The following MYO1E variants were observed in gnomAD, a reference collection of about 807,000 sequenced individuals.
MYO1E encodes unconventional myosin-Ie.
Under a neutral mutation model 151.1 loss-of-function variants are expected in MYO1E, and 68 were observed. The observed-to-expected ratio is 0.45, with a 90% CI of 0.37 to 0.55. The LOEUF (loss-of-function observed/expected upper bound fraction) is 0.55, where lower values mean the gene tolerates loss of function less well. MYO1E is among the 20% of genes least tolerant of loss of function. MYO1E has a pLI of 0.00. For missense variants in MYO1E, 1,363 were observed against 1,389.3 expected, an observed-to-expected ratio of 0.98 and a Z score of 0.30; for synonymous variants, 601 against 501.7, an observed-to-expected ratio of 1.20 and a Z score of -2.64.
At chr15:59,258,078 G>A (rs1316408643) in intron 3 of MYO1E, among the ~76,000 whole-genome samples, 2 of 152,156 alleles carry the variant, frequency 1.3e-5, no homozygotes, top group Non-Finnish European at 2.9e-5. Context: ...GGCTGGCCCT[G>A]GCTCAGGCCT....
At chr15:59,197,630 G>A (rs1202199631) in intron 16 of MYO1E, among the ~76,000 whole-genome samples, 2 of 152,224 alleles carry the variant, frequency 1.3e-5, no homozygotes, top group African/African-American at 4.8e-5. Context: ...TGAAAGAGAA[G>A]TAAGGCTTGA....
intron 17 of MYO1E, among the ~76,000 whole-genome samples, chr15:59,191,822 C>T (rs1479555720): frequency 1.3e-5 from 2 of 152,156 alleles, no homozygotes; most frequent in Admixed American, 6.5e-5. Context: ...CCCAGTTGTT[C>T]CCTAGGCTAT....
intron 6 of MYO1E, among the ~76,000 whole-genome samples, chr15:59,228,751 A>T (rs1387081811): frequency 6.6e-6 from 1 of 152,196 alleles, no homozygotes; most frequent in Non-Finnish European, 1.5e-5. Context: ...CACCCATCTC[A>T]GGGATGAATT....
At chr15:59,222,034 G>A (rs1254467697) in intron 9 of MYO1E, among the ~76,000 whole-genome samples, 35 of 152,260 alleles carry the variant, frequency 2.3e-4, no homozygotes, top group African/African-American at 7.0e-4. Context: ...CATGTTTTTA[G>A]ACTTTATGGA....
Position 59,335,429 on chromosome 15 carries a change from A to C in MYO1E, c.3+37069T>G, listed in dbSNP as rs539748301. Among the ~76,000 whole-genome samples the C allele has an allele frequency of 5.9e-5, 9 of 152,328 alleles. No homozygotes were observed. The South Asian group carries it at 1.9e-3, about 32-fold the overall frequency. Reference sequence around the variant, plus strand: ...GCAAGATTTTACGGATTTTGAAAGAAGCAAGTGATGATTCTGTGGCCACAT... The same window carrying C: ...GCAAGATTTTACGGATTTTGAAAGACGCAAGTGATGATTCTGTGGCCACAT... On this transcript the variant is annotated intron_variant, in intron 1 of 27. Transcript: ENST00000288235.
At chr15:59,323,200 T>G (rs1289384330) in intron 1 of MYO1E, among the ~76,000 whole-genome samples, 2 of 147,782 alleles carry the variant, frequency 1.4e-5, no homozygotes, top group East Asian at 3.9e-4. Flanking sequence ...AGGTGCCTTT[T>G]GAAATATCAA....
chr15:59,277,903 T>C (rs1463711062), intron 1 of MYO1E, among the ~76,000 whole-genome samples: 2 of 152,246 alleles, frequency 1.3e-5, no homozygotes, highest in African/African-American at 2.4e-5. Flanking sequence ...GTTTTGTTGG[T>C]ACTTTTGGGG....
At position 59,333,301 on chromosome 15, in the gene MYO1E, G is replaced by A. The variant is rs1201577627; in HGVS notation, c.3+39197C>T. 3.9e-5 allele frequency among the ~76,000 whole-genome samples: 6 copies of A among 152,026 alleles called. 1 individual carries two copies. The highest frequency in any genetic ancestry group is 1.3e-4 in the Admixed American group (2 of 15,254). ...GTTACCCAGGCTGGAGTGCAGTGGT[G>A]CAATCTTGGCTGGCTGCAGCCTTGA... On this transcript the variant is annotated intron_variant, in intron 1 of 27. Transcript: ENST00000288235.
rs1455576008 is a variant in MYO1E at position 59,136,812 on chromosome 15, A to C, written c.*568T>G. The C allele has an allele frequency of 2.2e-6, 1 of 455,636 alleles. No individual in the cohort carries two copies. The highest frequency in any genetic ancestry group is 4.4e-6 in the Non-Finnish European group (1 of 226,470). 28.2% of individuals were successfully genotyped at this position (455,636 alleles called of 1,614,324 possible). On this transcript the variant is annotated 3_prime_UTR_variant, in exon 28 of 28. Transcript: ENST00000288235. Reference sequence around the variant, plus strand: ...GGCCCTGATGGTCCCGGCAAAGTGTAAACCAGTGCCCCTCTGTCGCCCTGG... The same window carrying C: ...GGCCCTGATGGTCCCGGCAAAGTGTCAACCAGTGCCCCTCTGTCGCCCTGG...
At chr15:59,363,486 T>C (rs1198400110) in intron 1 of MYO1E, among the ~76,000 whole-genome samples, 2 of 152,210 alleles carry the variant, frequency 1.3e-5, no homozygotes, top group Non-Finnish European at 2.9e-5. Flanking sequence ...CTCAGGAGTA[T>C]GTGAAATAAT....
chr15:59,210,801 G>C (rs556859763), intron 12 of MYO1E, among the ~76,000 whole-genome samples: 97 of 152,160 alleles, frequency 6.4e-4, no homozygotes, highest in Non-Finnish European at 1.3e-3. Context: ...TGTTTAGTTT[G>C]AACCCTATGA....
At chr15:59,196,986 C>CTTTTATTT (rs2079770539) in intron 16 of MYO1E, among the ~76,000 whole-genome samples, 1 of 71,492 alleles carries the variant, frequency 1.4e-5, no homozygotes, top group Non-Finnish European at 2.5e-5. Context: ...TTAATTACGA[C>CTTTTATTT]TTTTTTTTTT....
At position 59,136,883 on chromosome 15, in the gene MYO1E, G is replaced by A. The variant is rs568398692; in HGVS notation, c.*497C>T. 9 of 411,520 alleles carry A rather than the reference G, an allele frequency of 2.2e-5. No individual in the cohort carries two copies. Among genetic ancestry groups the A allele is most frequent in the South Asian group, 1.0e-4 (6 of 58,072 alleles). The allele number at this position is 411,520 out of a possible 1,614,324, so 25.5% of individuals were successfully genotyped here. A position where few individuals can be genotyped will look rare whatever the true frequency, so the allele number is the denominator to read the frequency against. Reference sequence around the variant, plus strand: ...CTTGGCACGTACATGGGAAGTGCCTGCTCACGCTAAGCCCAGTCTGCAGAG... The same window carrying A: ...CTTGGCACGTACATGGGAAGTGCCTACTCACGCTAAGCCCAGTCTGCAGAG... On this transcript the variant is annotated 3_prime_UTR_variant, in exon 28 of 28. Coordinates refer to ENST00000288235, the MANE Select transcript of MYO1E (RefSeq NM_004998.4).
chr15:59,211,144 G>A (rs144532206), intron 12 of MYO1E, among the ~76,000 whole-genome samples: 5,587 of 150,784 alleles, frequency 0.037, 155 homozygotes, highest in East Asian at 0.058. Context: ...AGGTTGAAGT[G>A]AGCTGAGATT....
chr15:59,252,760 G>A (rs1596385925), intron 4 of MYO1E, among the ~76,000 whole-genome samples: 1 of 147,524 alleles, frequency 6.8e-6, no homozygotes, highest in East Asian at 2.0e-4. Context: ...GGTGGTGCAT[G>A]CCTTAACCCC....
At chr15:59,142,086 A>G (rs1190650171) in intron 26 of MYO1E, among the ~76,000 whole-genome samples, 1 of 152,084 alleles carries the variant, frequency 6.6e-6, no homozygotes, top group Non-Finnish European at 1.5e-5. Flanking sequence ...CAGCCTGGGA[A>G]ACGGAGTGAG....
chr15:59,238,710 T>C (rs2080081243), intron 4 of MYO1E, among the ~76,000 whole-genome samples: 1 of 151,992 alleles, frequency 6.6e-6, no homozygotes, highest in Admixed American at 6.5e-5. Context: ...TATCTGGGAT[T>C]ACAGGTGTGC....
At chr15:59,360,445 CAAG>C (rs1305119835) in intron 1 of MYO1E, among the ~76,000 whole-genome samples, 2 of 152,152 alleles carry the variant, frequency 1.3e-5, no homozygotes, top group African/African-American at 4.8e-5. Context: ...AATTGGGCAG[CAAG>C]AAGTATTGTC....
intron 1 of MYO1E, among the ~76,000 whole-genome samples, chr15:59,295,720 C>A (rs1466203108): frequency 2.6e-5 from 4 of 152,162 alleles, no homozygotes; most frequent in African/African-American, 9.7e-5. Flanking sequence ...GTATAATTAT[C>A]TCGGTGTTAC....
Sources: allele counts gnomAD v4.1 joint callset (sites outside exome capture counted in the v4.1 genomes callset), GRCh38; gene constraint gnomAD v4.1.1; transcripts MANE v1.5; gene names NCBI Gene and HGNC (gene_info 2026-07-23, HGNC 2026-07-21).